Variants in CCSER1 observed in about 807,000 individuals in gnomAD.
The protein encoded by CCSER1 is serine-rich coiled-coil domain-containing protein 1.
Under a neutral mutation model 82.0 loss-of-function variants are expected in CCSER1, and 41 were observed. That is an observed-to-expected ratio of 0.50 (90% confidence interval 0.39 to 0.65). The LOEUF (loss-of-function observed/expected upper bound fraction) is 0.65. CCSER1 is among the 30% of genes least tolerant of loss of function. The probability of loss-of-function intolerance (pLI) is 0.00; values close to 1 mark genes in which losing one functional copy is unlikely to be tolerated. For missense variants in CCSER1, 1,119 were observed against 1,064.2 expected (o/e 1.05, Z -0.72); for synonymous variants, 414 against 383.9 (o/e 1.08, Z -0.92).
intron 10 of CCSER1, among the ~76,000 whole-genome samples, chr4:91,409,136 C>A (rs1447889269): frequency 6.6e-6 from 1 of 152,172 alleles, no homozygotes; most frequent in East Asian, 1.9e-4. Flanking sequence ...AAAAAAGAAT[C>A]ATTTACAATA....
intron 4 of CCSER1, among the ~76,000 whole-genome samples, chr4:90,448,485 A>ATATATT (rs1553914348): frequency 8.1e-6 from 1 of 124,092 alleles, no homozygotes; most frequent in African/African-American, 3.3e-5. Flanking sequence ...ATATATATAT[A>ATATATT]GCACTTTTCT....
intron 5 of CCSER1, among the ~76,000 whole-genome samples, chr4:90,501,172 A>T (rs897275865): frequency 6.6e-6 from 1 of 152,146 alleles, no homozygotes; most frequent in African/African-American, 2.4e-5. Flanking sequence ...ATTCATTTTT[A>T]AATCATTTTG....
chr4:91,404,133 A>G (rs992943175), intron 10 of CCSER1, among the ~76,000 whole-genome samples: 1 of 152,072 alleles, frequency 6.6e-6, no homozygotes, highest in Non-Finnish European at 1.5e-5. Context: ...GGGAGGGTGT[A>G]TGTGTCCAGG....
chr4:90,392,415 T>C (rs1200140414), intron 3 of CCSER1, among the ~76,000 whole-genome samples: 7 of 152,090 alleles, frequency 4.6e-5, no homozygotes, highest in African/African-American at 9.7e-5. Context: ...TTTTAAGTTT[T>C]AGTATTTTAG....
intron 10 of CCSER1, among the ~76,000 whole-genome samples, chr4:91,269,058 A>T (rs543389937): frequency 2.6e-5 from 4 of 152,312 alleles, no homozygotes; most frequent in South Asian, 2.1e-4. Context: ...AAAAAATTGT[A>T]GTCTATTTAA....
At chr4:91,174,888 AT>A (rs1733155619) in intron 10 of CCSER1, among the ~76,000 whole-genome samples, 1 of 151,158 alleles carries the variant, frequency 6.6e-6, no homozygotes, top group Non-Finnish European at 1.5e-5. Context: ...TTTGTTACAT[AT>A]GTATACATGT....
intron 1 of CCSER1, among the ~76,000 whole-genome samples, chr4:90,210,460 T>C (rs1320697168): frequency 1.3e-5 from 2 of 151,416 alleles, no homozygotes; most frequent in African/African-American, 4.9e-5. Context: ...CTTTTTTTTT[T>C]TTGGACAGGA....
chr4:90,534,568 AT>A (rs1560676359), intron 5 of CCSER1, among the ~76,000 whole-genome samples: 1 of 152,124 alleles, frequency 6.6e-6, no homozygotes, highest in Non-Finnish European at 1.5e-5. Flanking sequence ...TAAAGCAGAT[AT>A]TGAAAGGCTA....
intron 1 of CCSER1, among the ~76,000 whole-genome samples, chr4:90,261,249 G>T (rs1382504959): frequency 6.6e-6 from 1 of 150,474 alleles, no homozygotes; most frequent in African/African-American, 2.5e-5. Flanking sequence ...TGAGCTTTTG[G>T]TTCAAGATTT....
chr4:90,946,946 A>G (rs1581173906), intron 9 of CCSER1, among the ~76,000 whole-genome samples: 1 of 152,322 alleles, frequency 6.6e-6, no homozygotes, highest in Middle Eastern at 3.4e-3. Flanking sequence ...TTCAGCAAGC[A>G]ACGCTTCTCC....
chr4:91,180,478 A>C (rs1479705006), intron 10 of CCSER1, among the ~76,000 whole-genome samples: 1 of 152,162 alleles, frequency 6.6e-6, no homozygotes, highest in Non-Finnish European at 1.5e-5. Flanking sequence ...CTTCCTTGCC[A>C]CTTTGTCTAC....
intron 7 of CCSER1, 29 bp from the exon 8 acceptor site, chr4:90,815,733 A>G: frequency 6.6e-7 from 1 of 1,513,664 alleles, no homozygotes; most frequent in Non-Finnish European, 9.0e-7. Flanking sequence ...GGCTAAGCCT[A>G]TTATGCTGTC....
chr4:91,398,572 T>C (rs1176590259), intron 10 of CCSER1, among the ~76,000 whole-genome samples: 3 of 152,032 alleles, frequency 2.0e-5, no homozygotes, highest in Non-Finnish European at 2.9e-5. Flanking sequence ...ACTTTTATTA[T>C]TGGGGTATTC....
At chr4:90,961,756 A>G (rs1406439496) in intron 9 of CCSER1, among the ~76,000 whole-genome samples, 1 of 152,044 alleles carries the variant, frequency 6.6e-6, no homozygotes, top group African/African-American at 2.4e-5. Flanking sequence ...AAATATTGCA[A>G]TTACTAAAGA....
At chr4:90,754,671 C>A (rs974808477) in intron 7 of CCSER1, among the ~76,000 whole-genome samples, 2 of 152,156 alleles carry the variant, frequency 1.3e-5, no homozygotes, top group African/African-American at 4.8e-5. Context: ...CTTGTATATA[C>A]CCATTTCTTC....
intron 10 of CCSER1, among the ~76,000 whole-genome samples, chr4:91,591,900 T>G (rs1764288646): frequency 6.6e-6 from 1 of 152,174 alleles, no homozygotes. Flanking sequence ...TGCTTTGATA[T>G]CTAATGCTGT....
intron 10 of CCSER1, among the ~76,000 whole-genome samples, chr4:91,106,564 T>C (rs1047513489): frequency 6.6e-6 from 1 of 152,208 alleles, no homozygotes; most frequent in African/African-American, 2.4e-5. Context: ...TCATTGCCTA[T>C]AGGTGTTATC....
chr4:90,868,096 G>A (rs1765967265), intron 8 of CCSER1, among the ~76,000 whole-genome samples: 1 of 151,654 alleles, frequency 6.6e-6, no homozygotes, highest in Non-Finnish European at 1.5e-5. Context: ...TTATTTATGG[G>A]GTTGATGAGA....
intron 8 of CCSER1, among the ~76,000 whole-genome samples, chr4:90,865,381 AC>A (rs1247824730): frequency 6.6e-6 from 1 of 151,952 alleles, no homozygotes; most frequent in East Asian, 1.9e-4. Flanking sequence ...GTCAGAGGTG[AC>A]CTTTTGAGCA....
Sources: allele counts gnomAD v4.1 joint callset (sites outside exome capture counted in the v4.1 genomes callset), GRCh38; gene constraint gnomAD v4.1.1; transcripts MANE v1.5; gene names NCBI Gene and HGNC (gene_info 2026-07-23, HGNC 2026-07-21).